Variants in MYO5C observed in about 807,000 individuals in gnomAD.
The protein encoded by MYO5C is myosin VC.
Under a neutral mutation model 235.7 loss-of-function variants are expected in MYO5C, and 194 were observed. The observed-to-expected ratio is 0.82, with a 90% CI of 0.73 to 0.93. The LOEUF (loss-of-function observed/expected upper bound fraction) is 0.93, where lower values mean the gene tolerates loss of function less well. Ranked by LOEUF, MYO5C falls within the 40% of genes least tolerant of loss-of-function variation. MYO5C has a pLI of 0.00. For synonymous variants in MYO5C, 707 were observed against 754.8 expected, an observed-to-expected ratio of 0.94 and a Z score of 1.04; for missense variants, 2,038 against 2,127.2, an observed-to-expected ratio of 0.96 and a Z score of 0.82.
chr15:52,199,921 G>A (rs2035147422), intron 38 of MYO5C, among the ~76,000 whole-genome samples: 1 of 152,166 alleles, frequency 6.6e-6, no homozygotes, highest in Non-Finnish European at 1.5e-5. Flanking sequence ...CCAAAAAGGG[G>A]GCAGAAAGTA....
intron 1 of MYO5C, among the ~76,000 whole-genome samples, chr15:52,284,532 T>C (rs915947192): frequency 6.6e-6 from 1 of 152,180 alleles, no homozygotes; most frequent in Non-Finnish European, 1.5e-5. Flanking sequence ...TCGGGTTACA[T>C]AGGGGCTAAG....
intron 38 of MYO5C, 103 bp from the exon 39 acceptor site, chr15:52,196,586 A>G: frequency 9.4e-7 from 1 of 1,066,308 alleles, no homozygotes; most frequent in Non-Finnish European, 1.4e-6. Flanking sequence ...CCTTAAGACC[A>G]CAGCTCAGCA....
At chr15:52,285,962 G>A (rs559688908) in intron 1 of MYO5C, among the ~76,000 whole-genome samples, 7 of 152,054 alleles carry the variant, frequency 4.6e-5, no homozygotes, top group East Asian at 1.9e-4. Flanking sequence ...GCCTCTTCCC[G>A]GCCGCCATCC....
intron 39 of MYO5C, among the ~76,000 whole-genome samples, 184 bp from the exon 40 acceptor site, chr15:52,195,641 G>A (rs929716671): frequency 2.6e-5 from 4 of 152,080 alleles, no homozygotes; most frequent in Middle Eastern, 3.2e-3. Context: ...AGTGCCTTAG[G>A]GAGCAAAGGC....
chr15:52,244,769 A>G (rs1007533778), intron 18 of MYO5C, among the ~76,000 whole-genome samples: 4 of 152,200 alleles, frequency 2.6e-5, no homozygotes, highest in Non-Finnish European at 4.4e-5. Flanking sequence ...AATGGGACTT[A>G]GGCTGAGGAA....
chr15:52,278,449 G>T lies in MYO5C; in HGVS notation c.449+424C>A, dbSNP rs368661095. ...CACAGGGCCCTACAAACACCTAGCA[G>T]TGAAATTAGGATAAAATTCCATGTC... On this transcript the variant is annotated intron_variant, in intron 4 of 40. Transcript: ENST00000261839. Among the ~76,000 whole-genome samples the T allele has an allele frequency of 5.3e-5, 8 of 151,872 alleles. No individual in the cohort carries two copies. In the South Asian group the frequency reaches 8.3e-4, roughly 16 times the overall value.
At chr15:52,212,992 G>A (rs1361011996) in intron 34 of MYO5C, among the ~76,000 whole-genome samples, 196 bp downstream of exon 34, 2 of 152,212 alleles carry the variant, frequency 1.3e-5, no homozygotes, top group Non-Finnish European at 2.9e-5. Context: ...AGTCAAGGAT[G>A]CTGCTCCATC....
intron 1 of MYO5C, among the ~76,000 whole-genome samples, chr15:52,294,305 G>T (rs756414678): frequency 1.3e-5 from 2 of 152,210 alleles, no homozygotes; most frequent in South Asian, 2.1e-4. Flanking sequence ...TAAACTGAAG[G>T]CTGAAGAAGC....
rs1418953860 is a variant in MYO5C, at chr15:52,237,613, T to A, written c.2737A>T (p.Thr913Ser). The A allele has an allele frequency of 1.9e-6, 3 of 1,613,846 alleles. No individual in the cohort carries two copies. The South Asian group carries it at 3.3e-5, about 18-fold the overall frequency. The change falls in exon 22 of 41, where the codon ACT becomes TCT. Residue 913 changes from threonine (T) to serine (S), a missense_variant. Coordinates refer to ENST00000261839, the MANE Select transcript of MYO5C (RefSeq NM_018728.4). ...KENHGLVEKL[T>S]SLAALRAGDV... The stretch of plus-strand genomic sequence containing the variant: ...CCAGCTCGAAGAGCAGCCAGGCTAG[T>A]CAGCTTCTCCACCAGCCCATGGTTT...
intron 20 of MYO5C, among the ~76,000 whole-genome samples, chr15:52,240,765 G>C (rs2036202008): frequency 6.6e-6 from 1 of 151,938 alleles, no homozygotes; most frequent in Admixed American, 6.6e-5. Flanking sequence ...GTTTTAAAAG[G>C]TGATTCCAGG....
chr15:52,229,118 T>A lies in MYO5C; in HGVS notation c.3207+15A>T, dbSNP rs2035892967. ...CGTAACCAGAGGGCGGGGCTGAACG[T>A]GAGAGCCGCTCTACCTTGACCTGCT... is the stretch of plus-strand genomic sequence containing the variant. On this transcript the variant is annotated intron_variant, in intron 25 of 40. Transcript: ENST00000261839. 6.2e-7 allele frequency: 1 copy of A among 1,613,162 alleles called. No homozygotes were observed. The highest frequency in any genetic ancestry group is 8.5e-7 in the Non-Finnish European group (1 of 1,179,330).
At chr15:52,249,289 C>T (rs1167013216) in intron 13 of MYO5C, among the ~76,000 whole-genome samples, 1 of 152,164 alleles carries the variant, frequency 6.6e-6, no homozygotes, top group Admixed American at 6.6e-5. Context: ...CTTTGCACTG[C>T]TTGAATCTAG....
chr15:52,241,158 A>C (rs146857477), intron 20 of MYO5C, among the ~76,000 whole-genome samples: 2 of 151,644 alleles, frequency 1.3e-5, no homozygotes, highest in African/African-American at 4.9e-5. Context: ...ATTTTATATT[A>C]CTTTGAATTC....
intron 8 of MYO5C, among the ~76,000 whole-genome samples, chr15:52,265,932 C>A (rs1243842933): frequency 6.6e-6 from 1 of 152,230 alleles, no homozygotes. Context: ...CAGGCACTTG[C>A]TGCCTTTCCA....
At chr15:52,281,588 T>C (rs564730421) in intron 2 of MYO5C, among the ~76,000 whole-genome samples, 1 of 152,290 alleles carries the variant, frequency 6.6e-6, no homozygotes, top group Non-Finnish European at 1.5e-5. Context: ...CCTTCAAACA[T>C]GCACACAGGA....
chr15:52,216,392 C>T (rs1261199275), intron 32 of MYO5C, among the ~76,000 whole-genome samples: 6 of 152,020 alleles, frequency 3.9e-5, no homozygotes, highest in Admixed American at 3.9e-4. Context: ...TTAAAGTTTT[C>T]CTTGTAGAGA....
chr15:52,294,613 C>A (rs1163848389), intron 1 of MYO5C, among the ~76,000 whole-genome samples: 1 of 152,166 alleles, frequency 6.6e-6, no homozygotes, highest in Non-Finnish European at 1.5e-5. Flanking sequence ...GATTCTAGTT[C>A]CACTCGTCTG....
At chr15:52,276,296 G>A (rs1408518804) in intron 4 of MYO5C, among the ~76,000 whole-genome samples, 2 of 152,156 alleles carry the variant, frequency 1.3e-5, no homozygotes, top group African/African-American at 4.8e-5. Flanking sequence ...GCAGCACGGG[G>A]AAAAGGCACA....
intron 19 of MYO5C, 141 bp from the exon 20 acceptor site, chr15:52,242,354 T>A: frequency 1.1e-6 from 1 of 900,792 alleles, no homozygotes; most frequent in Non-Finnish European, 1.7e-6. Context: ...TGTGGGCAGT[T>A]TATTCTAATG....
Sources: gnomAD v4.1 joint callset for allele counts (sites outside exome capture counted in the v4.1 genomes callset) on GRCh38, gnomAD v4.1.1 for gene constraint, MANE v1.5 for transcripts, NCBI Gene and HGNC (gene_info 2026-07-23, HGNC 2026-07-21) for gene names.